The following PSMD1 variants were observed in gnomAD, a reference collection of about 807,000 sequenced individuals.
PSMD1 encodes proteasome 26S subunit, non-ATPase 1, also known as 26S proteasome non-ATPase regulatory subunit 1.
A neutral mutation model predicts 119.0 loss-of-function variants in PSMD1; 18 were observed. The observed-to-expected ratio is 0.15, with a 90% confidence interval of 0.10 to 0.22. The LOEUF (loss-of-function observed/expected upper bound fraction) is 0.22, where lower values mean the gene tolerates loss of function less well. Among genes scored for constraint, PSMD1 ranks in the 10% least tolerant of loss-of-function variants. The pLI, the probability that PSMD1 is intolerant of heterozygous loss-of-function variation, is 1.00. For synonymous variants in PSMD1, 374 were observed against 396.6 expected, an observed-to-expected ratio of 0.94 and a Z score of 0.68; for missense variants, 702 against 1,158.5, an observed-to-expected ratio of 0.61 and a Z score of 5.72.
chr2:231,151,172 GT>G lies in PSMD1; in HGVS notation c.2116-2384del, dbSNP rs201652978. Among the ~76,000 whole-genome samples, 1,191 of 151,672 alleles carry G rather than the reference GT, an allele frequency of 7.9e-3. 21 individuals are homozygous for G. Among genetic ancestry groups the G allele is most frequent in the African/African-American group, 0.028 (1,146 of 41,386 alleles). ...TTTTCTCCTGGAAATTCTACTTTTT[GT>G]TTTTTTTGGTGGGGGGAGACCATAC... On this transcript the variant is annotated intron_variant, in intron 18 of 24. Coordinates refer to ENST00000308696, the MANE Select transcript of PSMD1 (RefSeq NM_002807.4).
At chr2:231,146,162 A>G in intron 17 of PSMD1, 78 bp from the exon 18 acceptor site, 2 of 953,694 alleles carry the variant, frequency 2.1e-6, no homozygotes, top group Admixed American at 1.8e-5. Context: ...ATGTCGTTAC[A>G]TGGCATGTGA....
rs563988555 is a variant in PSMD1 at position 231,137,149 on chromosome 2, G to A, written c.1884-1587G>A. 1.3e-3 allele frequency among the ~76,000 whole-genome samples: 188 copies of A among 147,980 alleles called. 1 individual carries two copies. Among genetic ancestry groups the A allele is most frequent in the African/African-American group, 3.7e-3 (148 of 39,902 alleles). On this transcript the variant is annotated intron_variant, in intron 16 of 24. Transcript: ENST00000308696. ...ATTTTTTTCCTTGAGATGGAGTCTC[G>A]CTGTCTCACCCAGGCTGGAGTACAG...
rs201829585 is a variant in PSMD1, at chr2:231,123,388, G to T, written c.1884-15348G>T. 31 of 1,507,960 alleles carry T rather than the reference G, an allele frequency of 2.1e-5. No individual in the cohort carries two copies. The East Asian group carries it at 7.0e-4, about 34-fold the overall frequency. The allele number at this position is 1,507,960 out of a possible 1,614,324, so 93.4% of individuals were successfully genotyped here. On this transcript the variant is annotated intron_variant, in intron 16 of 24. Transcript: ENST00000308696. ...GTATATCATAGTTCTGTGGTTTGAT[G>T]GCACAAACAAAGTGAAATACTTACC... is the stretch of plus-strand genomic sequence containing the variant.
intron 19 of PSMD1, among the ~76,000 whole-genome samples, chr2:231,158,334 GGTA>G (rs1471580739): frequency 6.6e-6 from 1 of 152,038 alleles, no homozygotes; most frequent in East Asian, 1.9e-4. Context: ...GAAAATTAGT[GGTA>G]GTAGAGAAAA....
rs891729758 is a variant in PSMD1 at position 231,146,366 on chromosome 2, C to G, written c.2115+10C>G. ...AATCACTTGTCCAAAGGTGAGCAAA[C>G]AAAGAAATTCCCTGGAAGAGAGATG... is the stretch of plus-strand genomic sequence containing the variant. On this transcript the variant is annotated intron_variant, in intron 18 of 24. Coordinates refer to ENST00000308696, the MANE Select transcript of PSMD1 (RefSeq NM_002807.4). The G allele has an allele frequency of 6.3e-7, 1 of 1,583,290 alleles. No homozygotes were observed. The highest frequency in any genetic ancestry group is 8.7e-7 in the Non-Finnish European group (1 of 1,153,268).
chr2:231,072,624 A>G (rs1694068419), intron 7 of PSMD1, among the ~76,000 whole-genome samples: 1 of 152,268 alleles, frequency 6.6e-6, no homozygotes, highest in South Asian at 2.1e-4. Context: ...CTGGAAAGAA[A>G]TAGAAGTGAT....
intron 17 of PSMD1, among the ~76,000 whole-genome samples, chr2:231,145,215 C>T (rs1424826391): frequency 1.3e-5 from 2 of 152,224 alleles, no homozygotes; most frequent in African/African-American, 2.4e-5. Flanking sequence ...AATGTACAAA[C>T]ATCATAGAGT....
At chr2:231,061,011 G>A (rs1292820632) in intron 1 of PSMD1, among the ~76,000 whole-genome samples, 1 of 152,190 alleles carries the variant, frequency 6.6e-6, no homozygotes, top group African/African-American at 2.4e-5. Flanking sequence ...AATGCTGTTA[G>A]TCCAGGGAAC....
intron 24 of PSMD1, among the ~76,000 whole-genome samples, chr2:231,171,970 T>A (rs2125276221): frequency 6.6e-6 from 1 of 152,328 alleles, no homozygotes; most frequent in Middle Eastern, 3.4e-3. Context: ...TAGGAAAGAT[T>A]TGCAGAAATC....
chr2:231,105,358 T>C (rs1260203795), intron 16 of PSMD1, among the ~76,000 whole-genome samples: 4 of 152,234 alleles, frequency 2.6e-5, no homozygotes, highest in Admixed American at 2.6e-4. Flanking sequence ...AGGCAGATTT[T>C]ATTATTATAA....
intron 19 of PSMD1, among the ~76,000 whole-genome samples, chr2:231,156,735 A>T (rs1696516181): frequency 6.6e-6 from 1 of 152,144 alleles, no homozygotes; most frequent in African/African-American, 2.4e-5. Context: ...TACAGTGTAC[A>T]TGGTGCTTTG....
At chr2:231,102,447 A>G (rs932778029) in intron 16 of PSMD1, among the ~76,000 whole-genome samples, 9 of 152,256 alleles carry the variant, frequency 5.9e-5, no homozygotes, top group Admixed American at 5.2e-4. Flanking sequence ...CTCATAGCCT[A>G]TTATTGATCA....
intron 21 of PSMD1, 114 bp from the exon 22 acceptor site, chr2:231,165,086 A>ATG: frequency 7.1e-6 from 1 of 140,122 alleles, no homozygotes; most frequent in Non-Finnish European, 1.4e-5. Context: ...ATATATATAT[A>ATG]TATATGTAAT....
chr2:231,166,106 A>G (rs1183587727), intron 23 of PSMD1, 89 bp downstream of exon 23: 5 of 1,282,344 alleles, frequency 3.9e-6, no homozygotes, highest in Non-Finnish European at 5.3e-6. Context: ...ATAAATCTCC[A>G]AAGCATTGGA....
intron 7 of PSMD1, 97 bp downstream of exon 7, chr2:231,072,512 A>T: frequency 1.7e-6 from 2 of 1,155,180 alleles, no homozygotes; most frequent in East Asian, 2.4e-5. Context: ...TCTAAGAATA[A>T]ATTTTGCCAC....
Position 231,137,015 on chromosome 2 carries a change from TTA to T in PSMD1, c.1884-1715_1884-1714del, listed in dbSNP as rs1021752258. Among the ~76,000 whole-genome samples, 175 of 145,410 alleles carry T rather than the reference TTA, an allele frequency of 1.2e-3. 1 individual carries two copies. The highest frequency in any genetic ancestry group is 4.0e-3 in the African/African-American group (160 of 40,130). ...TAATATATAAATAATATATATTGTG[TTA>T]TATATTTATGTACCATATATAATTA... On this transcript the variant is annotated intron_variant, in intron 16 of 24. Coordinates refer to ENST00000308696, the MANE Select transcript of PSMD1 (RefSeq NM_002807.4).
chr2:231,096,070 C>G (rs971021368), intron 16 of PSMD1, among the ~76,000 whole-genome samples: 1 of 152,192 alleles, frequency 6.6e-6, no homozygotes, highest in Non-Finnish European at 1.5e-5. Context: ...AGAGTGACCT[C>G]AAACCTCTTG....
intron 4 of PSMD1, among the ~76,000 whole-genome samples, chr2:231,063,521 A>C (rs916790359): frequency 5.9e-5 from 9 of 152,228 alleles, no homozygotes; most frequent in African/African-American, 2.2e-4. Context: ...AACACTTACA[A>C]GGAGGAAGTT....
chr2:231,168,241 A>G (rs1463693635), intron 23 of PSMD1, among the ~76,000 whole-genome samples: 1 of 152,198 alleles, frequency 6.6e-6, no homozygotes, highest in Admixed American at 6.5e-5. Flanking sequence ...GCCACAGTGG[A>G]AAAAAAGAAT....
Sources: allele counts gnomAD v4.1 joint callset (sites outside exome capture counted in the v4.1 genomes callset), GRCh38; gene constraint gnomAD v4.1.1; transcripts MANE v1.5; gene names NCBI Gene and HGNC (gene_info 2026-07-23, HGNC 2026-07-21).